THSD7A: variants seen among roughly 807,000 people sequenced by gnomAD.
The protein encoded by THSD7A is thrombospondin type-1 domain-containing protein 7A.
THSD7A carries 96 observed loss-of-function variants against 231.3 expected under a neutral mutation model. The ratio of observed to expected loss-of-function variants is 0.41; its 90% CI spans 0.35 to 0.49. The LOEUF is 0.49. THSD7A is among the 20% of genes least tolerant of loss of function. The pLI is 0.05. For missense variants in THSD7A, 2,290 were observed against 2,070.2 expected, an observed-to-expected ratio of 1.11 and a Z score of -2.06; for synonymous variants, 940 against 743.3, an observed-to-expected ratio of 1.26 and a Z score of -4.30.
chr7:11,813,735 TAATAATAATAA>T (rs1784599099), intron 1 of THSD7A, among the ~76,000 whole-genome samples: 1 of 149,364 alleles, frequency 6.7e-6, no homozygotes, highest in Non-Finnish European at 1.5e-5. Context: ...ATAATAATAA[TAATAATAATAA>T]TAATAATAAT....
chr7:11,734,081 C>A lies in THSD7A; in HGVS notation c.191-97120G>T, dbSNP rs1354410904. Among the ~76,000 whole-genome samples the A allele has an allele frequency of 2.0e-5, 3 of 152,036 alleles. No individual in the cohort carries two copies. In the East Asian group the frequency reaches 5.8e-4, roughly 30 times the overall value. ...ACTCCCTTGAGTCATCTCTTCAACC[C>A]CTTCCTGTTGATTAGATGTCATGTC... On this transcript the variant is annotated intron_variant, in intron 1 of 27. Transcript: ENST00000423059.
At chr7:11,709,579 C>T (rs180790376) in intron 1 of THSD7A, among the ~76,000 whole-genome samples, 120 of 150,956 alleles carry the variant, frequency 7.9e-4, no homozygotes, top group African/African-American at 2.7e-3. Flanking sequence ...GTGTATAGTT[C>T]AGTCAATACC....
intron 1 of THSD7A, among the ~76,000 whole-genome samples, chr7:11,738,644 T>A (rs1257004055): frequency 6.6e-6 from 1 of 151,930 alleles, no homozygotes; most frequent in Non-Finnish European, 1.5e-5. Flanking sequence ...CTCCCCGCAA[T>A]CCCTATGATC....
At chr7:11,405,558 G>T (rs1300343192) in intron 22 of THSD7A, among the ~76,000 whole-genome samples, 1 of 151,974 alleles carries the variant, frequency 6.6e-6, no homozygotes, top group Non-Finnish European at 1.5e-5. Context: ...GGGTTTTCTG[G>T]CATATTTTGA....
chr7:11,814,308 G>T lies in THSD7A; in HGVS notation c.190+17449C>A. Among the ~76,000 whole-genome samples the T allele has an allele frequency of 6.6e-6, 1 of 152,176 alleles. No homozygotes were observed. Among genetic ancestry groups the T allele is most frequent in the East Asian group, 1.9e-4 (1 of 5,200 alleles). On this transcript the variant is annotated intron_variant, in intron 1 of 27. Coordinates refer to ENST00000423059, the MANE Select transcript of THSD7A (RefSeq NM_015204.3). The surrounding 1 kb of genome is among the most constrained non-coding windows in gnomAD (Gnocchi z 5.1). ...TATCAAATAAAGCTGTTAAAAGAAT[G>T]GCTCTGTGATGGCAATCCCAAGTAT...
intron 6 of THSD7A, among the ~76,000 whole-genome samples, chr7:11,482,265 C>T (rs1018997617): frequency 6.6e-6 from 1 of 152,096 alleles, no homozygotes; most frequent in Non-Finnish European, 1.5e-5. Context: ...AGACACCTGC[C>T]CATTAAGTAC....
intron 1 of THSD7A, among the ~76,000 whole-genome samples, chr7:11,736,895 C>A (rs1781935092): frequency 6.6e-6 from 1 of 152,016 alleles, no homozygotes; most frequent in African/African-American, 2.4e-5. Context: ...ATCATGGGGG[C>A]AGTTTCCCCC....
At chr7:11,713,596 C>T (rs557481984) in intron 1 of THSD7A, among the ~76,000 whole-genome samples, 1 of 151,078 alleles carries the variant, frequency 6.6e-6, no homozygotes, top group African/African-American at 2.4e-5. Flanking sequence ...TATCAGGAAG[C>T]AATTGTATAT....
chr7:11,687,712 T>C (rs1237626324), intron 1 of THSD7A, among the ~76,000 whole-genome samples: 1 of 151,844 alleles, frequency 6.6e-6, no homozygotes, highest in Non-Finnish European at 1.5e-5. Context: ...AATGCCAGTG[T>C]CAAATATTCA....
At chr7:11,797,532 T>C (rs1052056209) in intron 1 of THSD7A, among the ~76,000 whole-genome samples, 1 of 147,000 alleles carries the variant, frequency 6.8e-6, no homozygotes, top group Non-Finnish European at 1.5e-5. Context: ...TCCTCCCACC[T>C]CAGCCTCCTG....
At chr7:11,500,381 G>C (rs1451100512) in intron 6 of THSD7A, among the ~76,000 whole-genome samples, 1 of 152,012 alleles carries the variant, frequency 6.6e-6, no homozygotes, top group Admixed American at 6.5e-5. Context: ...ACACAGACCA[G>C]GGTTACTATA....
intron 1 of THSD7A, among the ~76,000 whole-genome samples, chr7:11,756,557 A>T (rs1202819985): frequency 6.6e-6 from 1 of 152,104 alleles, no homozygotes; most frequent in Admixed American, 6.6e-5. Context: ...GAAAGGCTTT[A>T]GTAAAATCAC....
rs1448052781 is a variant in THSD7A, at chr7:11,593,337, G to A, written c.1188C>T (p.Pro396=). 2 of 1,613,960 alleles carry A rather than the reference G, an allele frequency of 1.2e-6. No homozygotes were observed. Among genetic ancestry groups the A allele is most frequent in the Non-Finnish European group, 1.7e-6 (2 of 1,179,886 alleles). Residue 396 remains proline, a synonymous_variant, in exon 3 of 28, where the codon CCC becomes CCT. Coordinates refer to ENST00000423059, the MANE Select transcript of THSD7A (RefSeq NM_015204.3). ...RVRTRTIRQF[P]IGSEKECPEF... is the part of the protein sequence containing the mutation. ...CTGGACACTCCTTTTCACTGCCAATGGGAAACTGCCTGATGGTTCGTGTCC... is the reference window on the plus strand; with the variant it reads ...CTGGACACTCCTTTTCACTGCCAATAGGAAACTGCCTGATGGTTCGTGTCC...
At chr7:11,554,453 A>G (rs62434467) in intron 4 of THSD7A, among the ~76,000 whole-genome samples, 2,694 of 152,164 alleles carry the variant, frequency 0.018, 34 homozygotes, top group Middle Eastern at 0.031. Flanking sequence ...AGGTTTTCCT[A>G]GGTGTTATTA....
At chr7:11,488,613 T>G (rs1023280564) in intron 6 of THSD7A, among the ~76,000 whole-genome samples, 1 of 152,092 alleles carries the variant, frequency 6.6e-6, no homozygotes, top group African/African-American at 2.4e-5. Flanking sequence ...AAATCTCGAA[T>G]CCATTTTCTC....
chr7:11,736,628 A>G (rs1025453447), intron 1 of THSD7A, among the ~76,000 whole-genome samples: 3 of 152,098 alleles, frequency 2.0e-5, no homozygotes, highest in Admixed American at 6.6e-5. Flanking sequence ...TACCCAAATC[A>G]TAAGGAAAAC....
At chr7:11,545,513 G>T (rs748848438) in intron 4 of THSD7A, among the ~76,000 whole-genome samples, 2 of 152,160 alleles carry the variant, frequency 1.3e-5, no homozygotes, top group Admixed American at 6.5e-5. Flanking sequence ...CAGATCTTCA[G>T]AAGGATGGCA....
chr7:11,777,442 CA>C (rs1783448748), intron 1 of THSD7A, among the ~76,000 whole-genome samples: 1 of 151,724 alleles, frequency 6.6e-6, no homozygotes, highest in Admixed American at 6.6e-5. Context: ...CACACACACA[CA>C]CACACACACA....
intron 11 of THSD7A, among the ~76,000 whole-genome samples, chr7:11,460,115 A>T (rs1233418218): frequency 6.6e-6 from 1 of 152,118 alleles, no homozygotes; most frequent in Admixed American, 6.6e-5. Context: ...CACGTTATTT[A>T]GTGGTGCAGA....
Sources: gnomAD v4.1 joint callset for allele counts (sites outside exome capture counted in the v4.1 genomes callset) on GRCh38, gnomAD v4.1.1 for gene constraint, Gnocchi (gnomAD v3.1) non-coding constraint, MANE v1.5 for transcripts, NCBI Gene and HGNC (gene_info 2026-07-23, HGNC 2026-07-21) for gene names.